The following CNTN5 variants were observed in gnomAD, a reference collection of about 807,000 sequenced individuals.
The protein encoded by CNTN5 is contactin-5.
CNTN5 carries 77 observed loss-of-function variants against 129.1 expected under a neutral mutation model. The observed-to-expected ratio is 0.60, with a 90% CI of 0.50 to 0.72. The LOEUF is 0.72. CNTN5 is among the 30% of genes least tolerant of loss of function. The pLI is 0.00. For synonymous variants in CNTN5, 509 were observed against 465.6 expected (o/e 1.09, Z -1.20); for missense variants, 1,478 against 1,328.8 (o/e 1.11, Z -1.75).
intron 13 of CNTN5, among the ~76,000 whole-genome samples, chr11:100,163,430 A>T (rs552552660): frequency 7.2e-5 from 11 of 151,950 alleles, no homozygotes; most frequent in African/African-American, 2.7e-4. Context: ...TATTTACATG[A>T]TACAGCTGAT....
chr11:99,560,858 G>T (rs1339200683), intron 3 of CNTN5, among the ~76,000 whole-genome samples: 3 of 152,086 alleles, frequency 2.0e-5, no homozygotes, highest in Non-Finnish European at 4.4e-5. Flanking sequence ...AAGAAGTTTA[G>T]AATGATCCAT....
intron 2 of CNTN5, among the ~76,000 whole-genome samples, chr11:99,330,256 G>A (rs1006050700): frequency 6.8e-6 from 1 of 147,984 alleles, no homozygotes; most frequent in Non-Finnish European, 1.5e-5. Context: ...AGGGAGGGAA[G>A]GAGAGAGACA....
intron 6 of CNTN5, among the ~76,000 whole-genome samples, chr11:99,904,604 A>G (rs1949447530): frequency 1.3e-5 from 2 of 152,084 alleles, no homozygotes; most frequent in Non-Finnish European, 2.9e-5. Flanking sequence ...GTAAACATAC[A>G]TGTACATGTG....
chr11:99,360,750 A>G (rs988531414), intron 2 of CNTN5, among the ~76,000 whole-genome samples: 1 of 152,150 alleles, frequency 6.6e-6, no homozygotes, highest in Non-Finnish European at 1.5e-5. Flanking sequence ...AAGCATACTA[A>G]TCTTTTTATC....
intron 3 of CNTN5, among the ~76,000 whole-genome samples, chr11:99,689,302 C>T (rs1368758323): frequency 6.6e-6 from 1 of 151,970 alleles, no homozygotes; most frequent in Admixed American, 6.5e-5. Flanking sequence ...CCAAGGCGGG[C>T]AGATCACAAG....
chr11:99,157,767 C>A (rs749328669), intron 1 of CNTN5, among the ~76,000 whole-genome samples: 11 of 152,078 alleles, frequency 7.2e-5, no homozygotes, highest in Middle Eastern at 3.2e-3. Context: ...CTACTCACTA[C>A]CTATTACCTG....
chr11:99,996,562 T>G (rs2137441119), intron 8 of CNTN5, among the ~76,000 whole-genome samples: 1 of 152,270 alleles, frequency 6.6e-6, no homozygotes, highest in South Asian at 2.1e-4. Context: ...ATAGCTCCAT[T>G]TACTCTCTCC....
intron 6 of CNTN5, among the ~76,000 whole-genome samples, chr11:99,855,854 A>G (rs1234527103): frequency 6.6e-6 from 1 of 152,186 alleles, no homozygotes; most frequent in Non-Finnish European, 1.5e-5. Context: ...ATTTCTAGAA[A>G]TATTTTCTTC....
intron 2 of CNTN5, among the ~76,000 whole-genome samples, chr11:99,482,789 C>A (rs372853195): frequency 6.6e-6 from 1 of 152,046 alleles, no homozygotes; most frequent in East Asian, 1.9e-4. Flanking sequence ...ATAATTAATA[C>A]CCGGAACTTC....
At chr11:99,896,304 G>A (rs531552815) in intron 6 of CNTN5, among the ~76,000 whole-genome samples, 53 of 152,126 alleles carry the variant, frequency 3.5e-4, no homozygotes, top group African/African-American at 1.0e-3. Context: ...TGATCACTGC[G>A]GTCATGGCTC....
At chr11:100,299,425 T>C (rs767676440) in intron 20 of CNTN5, 29 bp downstream of exon 20, 2 of 1,369,740 alleles carry the variant, frequency 1.5e-6, no homozygotes, top group Non-Finnish European at 2.0e-6. Context: ...ATTATTTTTA[T>C]TTAACATTTT....
At chr11:99,298,462 A>G (rs1300413705) in intron 1 of CNTN5, among the ~76,000 whole-genome samples, 1 of 152,130 alleles carries the variant, frequency 6.6e-6, no homozygotes, top group Non-Finnish European at 1.5e-5. Flanking sequence ...ACACTCAGCC[A>G]CTGTTAACAG....
chr11:100,164,207 C>A (rs1016709977), intron 13 of CNTN5, among the ~76,000 whole-genome samples: 1 of 151,538 alleles, frequency 6.6e-6, no homozygotes, highest in Non-Finnish European at 1.5e-5. Flanking sequence ...ACGATATGGA[C>A]AATCAAAGGC....
chr11:99,413,777 A>G (rs1024272016), intron 2 of CNTN5, among the ~76,000 whole-genome samples: 3 of 152,194 alleles, frequency 2.0e-5, no homozygotes, highest in African/African-American at 7.2e-5. Flanking sequence ...ACTCTCTTAT[A>G]GGTGTTTATA....
At chr11:99,403,035 C>A (rs1465030876) in intron 2 of CNTN5, among the ~76,000 whole-genome samples, 8 of 138,440 alleles carry the variant, frequency 5.8e-5, no homozygotes, top group African/African-American at 2.0e-4. Flanking sequence ...GAGATGGAGT[C>A]TTGCTCTGTC....
chr11:99,186,852 A>G (rs942377328), intron 1 of CNTN5, among the ~76,000 whole-genome samples: 1 of 152,022 alleles, frequency 6.6e-6, no homozygotes, highest in Non-Finnish European at 1.5e-5. Context: ...AATTCCTGCA[A>G]GAGTAGCTGA....
Position 99,909,610 on chromosome 11 carries a change from A to C in CNTN5, c.578-6444A>C, listed in dbSNP as rs569161640. Among the ~76,000 whole-genome samples the C allele has an allele frequency of 5.1e-3, 781 of 152,174 alleles. 4 individuals are homozygous for C. Among genetic ancestry groups the C allele is most frequent in the African/African-American group, 0.017 (715 of 41,548 alleles). On this transcript the variant is annotated intron_variant, in intron 6 of 24. Transcript: ENST00000524871. ...GGATTAAGAAAATGTGGCACATATA[A>C]ACCATGGAATACTATGCAGCCATAA...
chr11:99,313,739 T>G (rs1464606006), intron 1 of CNTN5, among the ~76,000 whole-genome samples: 1 of 152,098 alleles, frequency 6.6e-6, no homozygotes. Flanking sequence ...TTTAACAAAC[T>G]CCACTTAAAC....
chr11:99,198,027 G>C (rs935308394), intron 1 of CNTN5, among the ~76,000 whole-genome samples: 10 of 152,098 alleles, frequency 6.6e-5, no homozygotes, highest in Admixed American at 3.3e-4. Context: ...ATGAGAATTC[G>C]CTGGTATCTT....
Sources: allele counts gnomAD v4.1 joint callset (sites outside exome capture counted in the v4.1 genomes callset), GRCh38; gene constraint gnomAD v4.1.1; transcripts MANE v1.5; gene names NCBI Gene and HGNC (gene_info 2026-07-23, HGNC 2026-07-21).